Variants in HSF5 observed in about 807,000 individuals in gnomAD.
HSF5 encodes heat shock transcription factor 5, also known as heat shock factor protein 5.
A neutral mutation model predicts 50.8 loss-of-function variants in HSF5; 5 were observed. The ratio of observed to expected loss-of-function variants is 0.10; its 90% confidence interval spans 0.05 to 0.21. The LOEUF is 0.21. Among genes scored for constraint, HSF5 ranks in the 10% least tolerant of loss-of-function variants. HSF5 has a pLI of 1.00. For synonymous variants in HSF5, 307 were observed against 307.4 expected (o/e 1.00, Z 0.02); for missense variants, 564 against 762.6 (o/e 0.74, Z 3.07).
chr17:58,450,022 C>CAAAAAAA (rs71143248), intron 5 of HSF5, among the ~76,000 whole-genome samples: 1 of 76,568 alleles, frequency 1.3e-5, no homozygotes, highest in African/African-American at 5.6e-5. Flanking sequence ...GACTCCGTCT[C>CAAAAAAA]AAAAAAAAAA....
At chr17:58,438,603 TG>T (rs1216086647) in intron 5 of HSF5, among the ~76,000 whole-genome samples, 1 of 151,944 alleles carries the variant, frequency 6.6e-6, no homozygotes, top group Non-Finnish European at 1.5e-5. Context: ...CATACAACCA[TG>T]GGGGAAAAGA....
In HSF5 at chr17:58,487,834, G is replaced by C; in HGVS notation, c.441C>G (p.Arg147=). Residue 147 remains arginine, a synonymous_variant, in exon 1 of 6, where the codon CGC becomes CGG. Transcript: ENST00000323777. ...KLAAGLEVPC[R]PPNRFQRLLI... ...GCAGCCGCTGGAAGCGGTTGGGCGG[G>C]CGGCAGGGCACCTCCAGGCCGGCCG... is the stretch of plus-strand genomic sequence containing the variant. 6.3e-7 allele frequency: 1 copy of C among 1,581,426 alleles called. No individual in the cohort carries two copies. Among genetic ancestry groups the C allele is most frequent in the Non-Finnish European group, 8.5e-7 (1 of 1,171,092 alleles).
At chr17:58,439,338 T>C (rs978569287) in intron 5 of HSF5, among the ~76,000 whole-genome samples, 3 of 148,818 alleles carry the variant, frequency 2.0e-5, no homozygotes, top group South Asian at 2.1e-4. Flanking sequence ...AACTGACATA[T>C]GTTGTGGGGA....
At position 58,420,755 on chromosome 17, in the gene HSF5, AG is replaced by A. The variant is rs1372327142; in HGVS notation, c.*1604del. ...AAAGATAAATAAATGCCCATCACAT[AG>A]ACATTAACTAGTCTAATCAGAGGGA... is the stretch of plus-strand genomic sequence containing the variant. On this transcript the variant is annotated 3_prime_UTR_variant, in exon 6 of 6. Transcript: ENST00000323777. The A allele has an allele frequency of 1.3e-5, 2 of 152,234 alleles. No individual in the cohort carries two copies. Among genetic ancestry groups the A allele is most frequent in the Non-Finnish European group, 2.9e-5 (2 of 68,026 alleles). 9.4% of individuals were successfully genotyped at this position (152,234 alleles called of 1,614,324 possible).
At chr17:58,476,856 T>C in intron 2 of HSF5, 3 of 1,415,508 alleles carry the variant, frequency 2.1e-6, no homozygotes, top group Non-Finnish European at 3.0e-6. Flanking sequence ...ATGTGTTCAA[T>C]TGCTTCTTGC....
In HSF5 at chr17:58,480,017, A is replaced by G. The variant is rs1177763902; in HGVS notation, c.801T>C (p.Tyr267=). Residue 267 remains tyrosine, a synonymous_variant, in exon 2 of 6, where the codon TAT becomes TAC. Transcript: ENST00000323777. ...CAGATGTGGTGCTGGGCTGCAGTGT[A>G]TAGGTAACCTCAGTTGGAAACCTCT... The part of the protein sequence containing the change: ...VLQRFPTEVT[Y]TLQPSTTSVH... 2.5e-6 allele frequency: 4 copies of G among 1,614,008 alleles called. No individual in the cohort carries two copies. Among genetic ancestry groups the G allele is most frequent in the Non-Finnish European group, 3.4e-6 (4 of 1,180,046 alleles).
At chr17:58,481,668 A>T (rs1199479373) in intron 1 of HSF5, among the ~76,000 whole-genome samples, 1 of 152,254 alleles carries the variant, frequency 6.6e-6, no homozygotes, top group Non-Finnish European at 1.5e-5. Flanking sequence ...AACAAGTTAC[A>T]TATCTGTCAT....
chr17:58,479,200 T>G lies in HSF5; in HGVS notation c.925+693A>C, dbSNP rs193128607. ...GATACTAAATGATTTCATTATGAGG[T>G]AATCTCACCTTAAGATTAAACCATA... On this transcript the variant is annotated intron_variant, in intron 2 of 5. Transcript: ENST00000323777. Among the ~76,000 whole-genome samples, 3 of 152,206 alleles carry G rather than the reference T, an allele frequency of 2.0e-5. No homozygotes were observed. In the East Asian group the frequency reaches 5.8e-4, roughly 29 times the overall value.
intron 5 of HSF5, among the ~76,000 whole-genome samples, chr17:58,432,898 T>A (rs766782010): frequency 1.1e-4 from 17 of 152,280 alleles, no homozygotes; most frequent in South Asian, 4.1e-4. Context: ...TGGATCTGCA[T>A]CTACAGTGAG....
chr17:58,450,193 G>T (rs953092699), intron 5 of HSF5, among the ~76,000 whole-genome samples: 44 of 151,180 alleles, frequency 2.9e-4, no homozygotes, highest in Admixed American at 1.3e-4. Flanking sequence ...AAAAAAATTA[G>T]CTGGGCTTGG....
At chr17:58,444,357 T>A (rs979865964) in intron 5 of HSF5, among the ~76,000 whole-genome samples, 1 of 152,230 alleles carries the variant, frequency 6.6e-6, no homozygotes, top group East Asian at 1.9e-4. Flanking sequence ...AACAGTGTGC[T>A]ACTGGCATAA....
intron 5 of HSF5, among the ~76,000 whole-genome samples, chr17:58,423,483 C>CTTTTT (rs71143245): frequency 1.8e-4 from 19 of 106,524 alleles, no homozygotes; most frequent in Non-Finnish European, 2.7e-4. Flanking sequence ...GACCAGGGAG[C>CTTTTT]TTTTTTTTTT....
chr17:58,432,306 C>T (rs1974375789), intron 5 of HSF5, among the ~76,000 whole-genome samples: 1 of 151,458 alleles, frequency 6.6e-6, no homozygotes. Flanking sequence ...AGAAAAATAG[C>T]AAGTAGTAAT....
At chr17:58,470,295 C>CA (rs1264097781) in intron 2 of HSF5, among the ~76,000 whole-genome samples, 1 of 152,040 alleles carries the variant, frequency 6.6e-6, no homozygotes, top group East Asian at 1.9e-4. Flanking sequence ...AGTGGATGAA[C>CA]AAAATGTGTT....
intron 5 of HSF5, among the ~76,000 whole-genome samples, chr17:58,449,884 G>A (rs556758112): frequency 8.0e-5 from 12 of 149,128 alleles, no homozygotes; most frequent in Non-Finnish European, 1.8e-4. Context: ...TTAGCCGGGC[G>A]TAGTGGCGGG....
chr17:58,427,067 C>T (rs532824190), intron 5 of HSF5, among the ~76,000 whole-genome samples: 5 of 151,944 alleles, frequency 3.3e-5, no homozygotes, highest in Non-Finnish European at 7.4e-5. Context: ...GCCTAGGCAA[C>T]ATGGTGAAAC....
chr17:58,488,299 C>T lies in HSF5; in HGVS notation c.-25G>A. ...TCGCCCCGCCGGGCCGGGGCCTCGCCCCCCGAGCCTAGCTCTCCCACACCG... is the reference window on the plus strand; with the variant it reads ...TCGCCCCGCCGGGCCGGGGCCTCGCTCCCCGAGCCTAGCTCTCCCACACCG... On this transcript the variant is annotated 5_prime_UTR_variant, in exon 1 of 6. Coordinates refer to ENST00000323777, the MANE Select transcript of HSF5 (RefSeq NM_001080439.3). This position sits in a 1 kb window ranked among gnomAD's most constrained non-coding sequence, Gnocchi z 4.1. The T allele has an allele frequency of 6.9e-7, 1 of 1,451,922 alleles. No individual in the cohort carries two copies. 89.9% of individuals were successfully genotyped at this position (1,451,922 alleles called of 1,614,324 possible).
At chr17:58,441,080 AC>A (rs746736154) in intron 5 of HSF5, among the ~76,000 whole-genome samples, 2 of 152,220 alleles carry the variant, frequency 1.3e-5, no homozygotes, top group Non-Finnish European at 2.9e-5. Context: ...TGGTATATTC[AC>A]CAAGATAGAC....
intron 2 of HSF5, 82 bp downstream of exon 2, chr17:58,479,811 C>T (rs1975073149): frequency 1.6e-6 from 2 of 1,219,700 alleles, no homozygotes; most frequent in Non-Finnish European, 2.3e-6. Flanking sequence ...AGCACATAGA[C>T]ATTAAAATGC....
Sources: allele counts gnomAD v4.1 joint callset (sites outside exome capture counted in the v4.1 genomes callset), GRCh38; gene constraint gnomAD v4.1.1; non-coding constraint Gnocchi (gnomAD v3.1); transcripts MANE v1.5; gene names NCBI Gene and HGNC (gene_info 2026-07-23, HGNC 2026-07-21).